Variants in RBM19 observed in about 807,000 individuals in gnomAD.
RBM19 encodes probable RNA-binding protein 19.
A neutral mutation model predicts 116.8 loss-of-function variants in RBM19; 94 were observed. That is an observed-to-expected ratio of 0.80 (90% CI 0.68 to 0.95). The LOEUF (loss-of-function observed/expected upper bound fraction) is 0.95, where lower values mean the gene tolerates loss of function less well. Among genes scored for constraint, RBM19 ranks in the 40% least tolerant of loss-of-function variants. RBM19 has a pLI of 0.00. For synonymous variants in RBM19, 475 were observed against 494.1 expected (o/e 0.96, Z 0.51); for missense variants, 1,161 against 1,220.7 (o/e 0.95, Z 0.73).
At chr12:113,857,976 G>A (rs566418477) in intron 22 of RBM19, among the ~76,000 whole-genome samples, 2 of 152,394 alleles carry the variant, frequency 1.3e-5, no homozygotes, top group South Asian at 2.1e-4. Flanking sequence ...GAGGAATAGT[G>A]AGGCTGAGAG....
In RBM19 at chr12:113,949,017, C is replaced by A. The variant is rs747660746; in HGVS notation, c.1092G>T (p.Val364=). ...TGGTGGGGACGTTCTTTTCCCTGAA[C>A]ACCTCGATGTAGCGCCCACCTGCAA... ...REYMGGRYIE[V]FREKNVPTTK... Residue 364 remains valine (V), a synonymous_variant, in exon 10 of 24, where the codon GTG becomes GTT. Coordinates refer to ENST00000261741, the MANE Select transcript of RBM19 (RefSeq NM_016196.4). The A allele has an allele frequency of 1.2e-6, 2 of 1,614,028 alleles. No homozygotes were observed. The highest frequency in any genetic ancestry group is 2.7e-5 in the African/African-American group (2 of 75,040).
At chr12:113,868,871 C>T (rs1879024904) in intron 21 of RBM19, among the ~76,000 whole-genome samples, 1 of 152,236 alleles carries the variant, frequency 6.6e-6, no homozygotes, top group Admixed American at 6.5e-5. Context: ...ATCACAGCAT[C>T]ACCAAAAGAA....
At chr12:113,880,262 G>A (rs376464173) in intron 21 of RBM19, among the ~76,000 whole-genome samples, 32 of 152,120 alleles carry the variant, frequency 2.1e-4, no homozygotes, top group East Asian at 7.7e-4. Context: ...GAATCCTGTC[G>A]TTTTATTTGC....
At chr12:113,844,580 T>C in intron 23 of RBM19, 88 bp downstream of exon 23, 4 of 1,492,022 alleles carry the variant, frequency 2.7e-6, no homozygotes, top group Non-Finnish European at 3.6e-6. Context: ...GCCTGCTGGG[T>C]CGAGGGCAGT....
chr12:113,949,627 T>C (rs986306834), intron 9 of RBM19, among the ~76,000 whole-genome samples: 1 of 152,236 alleles, frequency 6.6e-6, no homozygotes, highest in African/African-American at 2.4e-5. Flanking sequence ...TCCCTGGGTA[T>C]TGTTCAGAAG....
rs114901042 is a variant in RBM19 at position 113,858,978 on chromosome 12, G to A, written c.2559-82C>T. 1.8e-3 allele frequency: 2,239 copies of A among 1,257,600 alleles called. 37 individuals carry two copies. The African/African-American group carries it at 0.03, about 17-fold the overall frequency. 77.9% of individuals were successfully genotyped at this position (1,257,600 alleles called of 1,614,324 possible). A position where few individuals can be genotyped will look rare whatever the true frequency, so the allele number is the denominator to read the frequency against. ...GGGAAGGCAGGACTGATTCTCACAT[G>A]TAAATCCCTTTGGGTTATAAAAGAC... is the stretch of plus-strand genomic sequence containing the variant. On this transcript the variant is annotated intron_variant, in intron 21 of 23. Transcript: ENST00000261741.
exon 25 of RBM19, chr12:113,816,771 A>C (rs1439271703): frequency 6.6e-6 from 1 of 152,212 alleles, no homozygotes; most frequent in African/African-American, 2.4e-5. Context: ...AAGACGGCTG[A>C]AAAAAATGAT....
At position 113,898,632 on chromosome 12, in the gene RBM19, A is replaced by G. The variant is rs1233080139; in HGVS notation, c.2558+16337T>C. Among the ~76,000 whole-genome samples, 1 of 152,264 alleles carries G rather than the reference A, an allele frequency of 6.6e-6. No individual in the cohort carries two copies. The highest frequency in any genetic ancestry group is 1.5e-5 in the Non-Finnish European group (1 of 68,048). On this transcript the variant is annotated intron_variant, in intron 21 of 23. Coordinates refer to ENST00000261741, the MANE Select transcript of RBM19 (RefSeq NM_016196.4). This position sits in a 1 kb window ranked among gnomAD's most constrained non-coding sequence, Gnocchi z 4.3. ...TTTGATGACCGGCAAGACTCAGAGA[A>G]GCAAGAGGTCTAATCGTGCTGAACC...
In RBM19 at chr12:113,957,976, C is replaced by T. The variant is rs760803004; in HGVS notation, c.646G>A (p.Val216Met). 6.2e-7 allele frequency: 1 copy of T among 1,614,204 alleles called. No homozygotes were observed. Among genetic ancestry groups the T allele is most frequent in the Non-Finnish European group, 8.5e-7 (1 of 1,180,040 alleles). ...SDMDYLKSKM[V>M]KAGSSSSSEE... The stretch of plus-strand genomic sequence containing the variant: ...GAGGAAGAGGACGACCCAGCCTTCA[C>T]CATCTTGGATTTCAGGTAATCCATG... Residue 216 changes from valine (V) to methionine (M), a missense_variant, in exon 6 of 24, where the codon GTG becomes ATG. Val to Met is a conservative substitution (Grantham distance 21, BLOSUM62 1). Transcript: ENST00000261741.
At chr12:113,851,908 G>A (rs982979107) in intron 22 of RBM19, among the ~76,000 whole-genome samples, 3 of 151,986 alleles carry the variant, frequency 2.0e-5, no homozygotes, top group African/African-American at 2.4e-5. Context: ...AAAATTAGCC[G>A]GGTGTGGAGG....
At position 113,823,100 on chromosome 12, in the gene RBM19, T is replaced by G; in HGVS notation, c.*124A>C. On this transcript the variant is annotated 3_prime_UTR_variant, in exon 24 of 24. Transcript: ENST00000261741. Reference sequence around the variant, plus strand: ...CCTGTCTCCTCCGACCTTGGACCAGTGCAGGGTGGGGCCGCCTGCCGCTCC... The same window carrying G: ...CCTGTCTCCTCCGACCTTGGACCAGGGCAGGGTGGGGCCGCCTGCCGCTCC... 1 of 847,080 alleles carries G rather than the reference T, an allele frequency of 1.2e-6. No individual in the cohort carries two copies. The highest frequency in any genetic ancestry group is 1.8e-6 in the Non-Finnish European group (1 of 547,332). 52.5% of individuals were successfully genotyped at this position (847,080 alleles called of 1,614,324 possible).
intron 18 of RBM19, among the ~76,000 whole-genome samples, chr12:113,921,499 C>T (rs73397072): frequency 0.071 from 10,759 of 152,168 alleles, 1,267 homozygotes; most frequent in African/African-American, 0.25. Context: ...AGGCTCAAGG[C>T]TCTCTACCTT....
intron 7 of RBM19, among the ~76,000 whole-genome samples, chr12:113,953,111 A>G (rs1391138713): frequency 1.3e-5 from 2 of 152,246 alleles, no homozygotes; most frequent in Non-Finnish European, 2.9e-5. Context: ...TGTAATTCAG[A>G]TATTTATAAA....
chr12:113,910,871 A>T (rs972191524), intron 21 of RBM19, among the ~76,000 whole-genome samples: 8 of 152,228 alleles, frequency 5.3e-5, no homozygotes, highest in African/African-American at 1.9e-4. Context: ...GCTGTGTATC[A>T]GCAGGAGAGC....
intron 3 of RBM19, 68 bp downstream of exon 3, chr12:113,959,991 T>G: frequency 6.2e-7 from 1 of 1,613,906 alleles, no homozygotes; most frequent in Non-Finnish European, 8.5e-7. Context: ...GGCCCATCTT[T>G]GGGAACCAAA....
At chr12:113,906,609 T>C (rs1318316937) in intron 21 of RBM19, among the ~76,000 whole-genome samples, 1 of 151,986 alleles carries the variant, frequency 6.6e-6, no homozygotes, top group African/African-American at 2.4e-5. Flanking sequence ...GCACGCATGC[T>C]AGCTGGCAAT....
chr12:113,884,298 T>TACACACACACACAC (rs56150788), intron 21 of RBM19, among the ~76,000 whole-genome samples: 20 of 137,338 alleles, frequency 1.5e-4, no homozygotes, highest in African/African-American at 5.0e-4. Context: ...AAAAAAAGTA[T>TACACACACACACAC]ACACACACAC....
At chr12:113,848,599 G>C (rs1361035920) in intron 22 of RBM19, among the ~76,000 whole-genome samples, 5 of 152,198 alleles carry the variant, frequency 3.3e-5, no homozygotes, top group Admixed American at 3.3e-4. Flanking sequence ...GGGCTTTTGG[G>C]TTGGCACAGA....
At chr12:113,864,599 T>C (rs1878666872) in intron 21 of RBM19, among the ~76,000 whole-genome samples, 1 of 152,366 alleles carries the variant, frequency 6.6e-6, no homozygotes, top group South Asian at 2.1e-4. Flanking sequence ...AGTTCCCATG[T>C]GGCCAAGGGC....
Sources: allele counts gnomAD v4.1 joint callset (sites outside exome capture counted in the v4.1 genomes callset), GRCh38; gene constraint gnomAD v4.1.1; non-coding constraint Gnocchi (gnomAD v3.1); transcripts MANE v1.5; gene names NCBI Gene and HGNC (gene_info 2026-07-23, HGNC 2026-07-21).